Variants in ZFR2 observed in about 807,000 individuals in gnomAD.
ZFR2 encodes the protein zinc finger RNA binding protein 2, also known as zinc finger RNA-binding protein 2.
ZFR2 carries 104 observed loss-of-function variants against 105.7 expected under a neutral mutation model. The ratio of observed to expected loss-of-function variants is 0.98; its 90% CI spans 0.84 to 1.16. The LOEUF (loss-of-function observed/expected upper bound fraction) is 1.16, where lower values mean the gene tolerates loss of function less well. Among genes scored for constraint, ZFR2 ranks in the 50% most tolerant of loss-of-function variants. The pLI is 0.00. For missense variants in ZFR2, 1,425 were observed against 1,355.5 expected, an observed-to-expected ratio of 1.05 and a Z score of -0.80; for synonymous variants, 634 against 597.7, an observed-to-expected ratio of 1.06 and a Z score of -0.89.
intron 1 of ZFR2, among the ~76,000 whole-genome samples, chr19:3,866,586 A>T (rs944416530): frequency 4.6e-5 from 7 of 152,228 alleles, no homozygotes; most frequent in African/African-American, 1.4e-4. Flanking sequence ...AACAACATAA[A>T]CATTCAATTT....
At chr19:3,806,727 C>T (rs1403800723) in intron 18 of ZFR2, among the ~76,000 whole-genome samples, 3 of 152,232 alleles carry the variant, frequency 2.0e-5, no homozygotes, top group African/African-American at 7.2e-5. Context: ...GCAAGCCATT[C>T]CAGTGATCCC....
Position 3,805,767 on chromosome 19 carries a change from G to T in ZFR2, c.*182C>A. 1 of 690,590 alleles carries T rather than the reference G, an allele frequency of 1.4e-6. No homozygotes were observed. Among genetic ancestry groups the T allele is most frequent in the Non-Finnish European group, 2.2e-6 (1 of 454,120 alleles). The allele number at this position is 690,590 out of a possible 1,614,324, so 42.8% of individuals were successfully genotyped here. A position where few individuals can be genotyped will look rare whatever the true frequency, so the allele number is the denominator to read the frequency against. ...GCAACTCAGCCTCCCAAAGTGCTGG[G>T]ATTAAAGGCATGAGCCACAGTGCCC... On this transcript the variant is annotated 3_prime_UTR_variant, in exon 19 of 19. Coordinates refer to ENST00000262961, the MANE Select transcript of ZFR2 (RefSeq NM_015174.2).
chr19:3,812,030 G>A (rs974234522), intron 14 of ZFR2, among the ~76,000 whole-genome samples: 14 of 152,044 alleles, frequency 9.2e-5, no homozygotes, highest in East Asian at 1.9e-4. Flanking sequence ...TGCAACCTCC[G>A]CCTCTCGGGT....
At chr19:3,836,277 T>C (rs948575161) in intron 1 of ZFR2, among the ~76,000 whole-genome samples, 9 of 152,126 alleles carry the variant, frequency 5.9e-5, no homozygotes, top group Non-Finnish European at 1.3e-4. Flanking sequence ...GTTGAATCCA[T>C]GGATGCAGTG....
chr19:3,805,862 C>T lies in ZFR2; in HGVS notation c.*87G>A, dbSNP rs745874290. 20 of 1,369,276 alleles carry T rather than the reference C, an allele frequency of 1.5e-5. No individual in the cohort carries two copies. The highest frequency in any genetic ancestry group is 4.5e-5 in the South Asian group (3 of 66,956). 84.8% of individuals were successfully genotyped at this position (1,369,276 alleles called of 1,614,324 possible). On this transcript the variant is annotated 3_prime_UTR_variant, in exon 19 of 19. Coordinates refer to ENST00000262961, the MANE Select transcript of ZFR2 (RefSeq NM_015174.2). ...TCAAAAGGAAATGACCATTGTCCAA[C>T]GTCGGGGATGAAGCAGCCATTGGTC... is the stretch of plus-strand genomic sequence containing the variant.
Position 3,823,186 on chromosome 19 carries a change from C to T in ZFR2, c.1371+60G>A. ...GAGAAGCCGGGTGAGGTCTCGAAGCCTGATCCATGGGAAGGTCCTTCCCTG... is the reference window on the plus strand; with the variant it reads ...GAGAAGCCGGGTGAGGTCTCGAAGCTTGATCCATGGGAAGGTCCTTCCCTG... On this transcript the variant is annotated intron_variant, in intron 8 of 18. Coordinates refer to ENST00000262961, the MANE Select transcript of ZFR2 (RefSeq NM_015174.2). This position sits in a 1 kb window ranked among gnomAD's most constrained non-coding sequence, Gnocchi z 5.4. 8 of 1,610,666 alleles carry T rather than the reference C, an allele frequency of 5.0e-6. No individual in the cohort carries two copies.
At chr19:3,843,009 C>T (rs926768521) in intron 1 of ZFR2, among the ~76,000 whole-genome samples, 2 of 152,196 alleles carry the variant, frequency 1.3e-5, no homozygotes, top group African/African-American at 4.8e-5. Flanking sequence ...AACAGTCTGG[C>T]AGTTGCTCGA....
intron 1 of ZFR2, among the ~76,000 whole-genome samples, chr19:3,863,989 G>C (rs772680968): frequency 6.6e-6 from 1 of 152,084 alleles, no homozygotes; most frequent in Non-Finnish European, 1.5e-5. Flanking sequence ...AACCAGCAAC[G>C]AGCATCCTGC....
At position 3,869,033 on chromosome 19, in the gene ZFR2, G is replaced by A; in HGVS notation, c.-16C>T. 4 of 1,340,556 alleles carry A rather than the reference G, an allele frequency of 3.0e-6. No homozygotes were observed. The highest frequency in any genetic ancestry group is 3.9e-6 in the Non-Finnish European group (4 of 1,037,064). 83.0% of individuals were successfully genotyped at this position (1,340,556 alleles called of 1,614,324 possible). ...TCGTCGCCATCTTGGCGTCTTCCCC[G>A]AGCCTGGCGGACCCGCGACGTCACC... is the stretch of plus-strand genomic sequence containing the variant. On this transcript the variant is annotated 5_prime_UTR_variant, in exon 1 of 19. Coordinates refer to ENST00000262961, the MANE Select transcript of ZFR2 (RefSeq NM_015174.2).
At position 3,818,767 on chromosome 19, in the gene ZFR2, C is replaced by A. The variant is rs369226435; in HGVS notation, c.1931+278G>T. Among the ~76,000 whole-genome samples, 375 of 152,314 alleles carry A rather than the reference C, an allele frequency of 2.5e-3. 5 individuals are homozygous for A. Among genetic ancestry groups the A allele is most frequent in the African/African-American group, 8.5e-3 (354 of 41,572 alleles). On this transcript the variant is annotated intron_variant, in intron 12 of 18. Coordinates refer to ENST00000262961, the MANE Select transcript of ZFR2 (RefSeq NM_015174.2). ...CTGAGGTTTACAGAGACTGTCAGTC[C>A]CTTGTGAACTATTTTTAGATGCGCC...
chr19:3,829,102 C>T (rs1382196978), intron 5 of ZFR2, among the ~76,000 whole-genome samples: 3 of 151,964 alleles, frequency 2.0e-5, no homozygotes, highest in Non-Finnish European at 4.4e-5. Flanking sequence ...GCTGGGACTA[C>T]AGGCGTCTGC....
intron 7 of ZFR2, among the ~76,000 whole-genome samples, 175 bp downstream of exon 7, chr19:3,825,055 C>T (rs945940245): frequency 2.4e-4 from 36 of 152,316 alleles, no homozygotes; most frequent in African/African-American, 7.0e-4. Flanking sequence ...CGGTGTGGGC[C>T]AGTGGGAGGC....
chr19:3,832,154 C>A (rs2038023915), intron 3 of ZFR2, among the ~76,000 whole-genome samples: 1 of 152,128 alleles, frequency 6.6e-6, no homozygotes, highest in Admixed American at 6.5e-5. Flanking sequence ...ACCCACAGAG[C>A]TCACCTCCTG....
chr19:3,833,220 G>A (rs1362688357), intron 3 of ZFR2, among the ~76,000 whole-genome samples: 11 of 146,094 alleles, frequency 7.5e-5, no homozygotes, highest in Admixed American at 4.9e-4. Context: ...CTGCACTCCA[G>A]CCTGGGCAAC....
Position 3,819,297 on chromosome 19 carries a change from A to AGGTG in ZFR2, c.1741-63_1741-62insCACC, listed in dbSNP as rs1269581080. On this transcript the variant is annotated intron_variant, in intron 11 of 18. Transcript: ENST00000262961. ...TGGGGACCCTTGGGGAGTGCTGGGC[A>AGGTG]GGCGGGCAGGTGGGGGCAGGTGGCC... 6.7e-5 allele frequency: 95 copies of AGGTG among 1,411,570 alleles called. No homozygotes were observed. In the African/African-American group the frequency reaches 1.4e-3, roughly 21 times the overall value. 87.4% of individuals were successfully genotyped at this position (1,411,570 alleles called of 1,614,324 possible). A position where few individuals can be genotyped will look rare whatever the true frequency, so the allele number is the denominator to read the frequency against.
rs776954823 is a variant in ZFR2, at chr19:3,816,716, G to A, written c.2061C>T (p.Ser687=). 3 of 1,612,078 alleles carry A rather than the reference G, an allele frequency of 1.9e-6. No individual in the cohort carries two copies. The highest frequency in any genetic ancestry group is 2.5e-6 in the Non-Finnish European group (3 of 1,179,350). The change falls in exon 13 of 19, where the codon AGC becomes AGT. Residue 687 remains serine (S), a synonymous_variant. Transcript: ENST00000262961. ...GCTGCTGGGCGATCCTCCGCAGCAGGCTGTGCGTGGGCTTCTCGGAGCAGA... is the reference window on the plus strand; with the variant it reads ...GCTGCTGGGCGATCCTCCGCAGCAGACTGTGCGTGGGCTTCTCGGAGCAGA... ...ALLCSEKPTH[S]LLRRIAQQLP...
rs551011654 is a variant in ZFR2, at chr19:3,838,101, G to A, written c.54-3118C>T. Among the ~76,000 whole-genome samples the A allele has an allele frequency of 1.9e-4, 28 of 147,262 alleles. No homozygotes were observed. Among genetic ancestry groups the A allele is most frequent in the African/African-American group, 6.6e-4 (26 of 39,672 alleles). ...ATGACCGTGACACGCGATGAACACCGTGACCGTGACACTCGATGAACACCG... is the reference window on the plus strand; with the variant it reads ...ATGACCGTGACACGCGATGAACACCATGACCGTGACACTCGATGAACACCG... On this transcript the variant is annotated intron_variant, in intron 1 of 18. Transcript: ENST00000262961. This position sits in a 1 kb window ranked among gnomAD's most constrained non-coding sequence, Gnocchi z 4.9.
intron 1 of ZFR2, among the ~76,000 whole-genome samples, chr19:3,850,629 C>A (rs2038228034): frequency 6.6e-6 from 1 of 151,884 alleles, no homozygotes; most frequent in Non-Finnish European, 1.5e-5. Flanking sequence ...CACCTCTAAT[C>A]CCAGCACTTT....
At chr19:3,827,996 T>C (rs1178930267) in intron 5 of ZFR2, among the ~76,000 whole-genome samples, 1 of 151,330 alleles carries the variant, frequency 6.6e-6, no homozygotes, top group Non-Finnish European at 1.5e-5. Context: ...AATTTTTGTA[T>C]TTTTAGTAGA....
Sources: allele counts gnomAD v4.1 joint callset (sites outside exome capture counted in the v4.1 genomes callset), GRCh38; gene constraint gnomAD v4.1.1; non-coding constraint Gnocchi (gnomAD v3.1); transcripts MANE v1.5; gene names NCBI Gene and HGNC (gene_info 2026-07-23, HGNC 2026-07-21).